RNGTT: variants seen among roughly 807,000 people sequenced by gnomAD.
RNGTT encodes the protein RNA guanylyltransferase and 5'-phosphatase, also known as mRNA-capping enzyme.
Under a neutral mutation model 79.3 loss-of-function variants are expected in RNGTT, and 33 were observed. The observed-to-expected ratio is 0.42, with a 90% CI of 0.32 to 0.56. The LOEUF (loss-of-function observed/expected upper bound fraction) is 0.56. Among genes scored for constraint, RNGTT ranks in the 20% least tolerant of loss-of-function variants. The probability of loss-of-function intolerance (pLI) is 0.17; values close to 1 mark genes in which losing one functional copy is unlikely to be tolerated. For synonymous variants in RNGTT, 222 were observed against 235.9 expected, an observed-to-expected ratio of 0.94 and a Z score of 0.54; for missense variants, 497 against 739.1, an observed-to-expected ratio of 0.67 and a Z score of 3.80.
intron 14 of RNGTT, among the ~76,000 whole-genome samples, chr6:88,622,102 A>G (rs989694546): frequency 1.3e-5 from 2 of 152,196 alleles, no homozygotes; most frequent in African/African-American, 4.8e-5. Context: ...ATTTTATGGA[A>G]TACAGTGTTG....
rs147054900 is a variant in RNGTT at position 88,823,577 on chromosome 6, T to G, written c.1269+20780A>C. Among the ~76,000 whole-genome samples the G allele has an allele frequency of 1.1e-3, 170 of 151,962 alleles. 1 individual carries two copies. Among genetic ancestry groups the G allele is most frequent in the African/African-American group, 3.7e-3 (154 of 41,456 alleles). On this transcript the variant is annotated intron_variant, in intron 11 of 15. Transcript: ENST00000369485. The stretch of plus-strand genomic sequence containing the variant: ...GAACTTCTCCAACAAAATAAAGAGA[T>G]AAACCCAGTAAAAAATAAAACTGAA...
At chr6:88,761,569 C>CA (rs1778256928) in intron 13 of RNGTT, among the ~76,000 whole-genome samples, 1 of 152,224 alleles carries the variant, frequency 6.6e-6, no homozygotes. Context: ...GAAGGTATTG[C>CA]AATACTACTA....
chr6:88,868,756 A>G (rs761238359), intron 8 of RNGTT, among the ~76,000 whole-genome samples: 9 of 152,186 alleles, frequency 5.9e-5, no homozygotes, highest in Non-Finnish European at 7.3e-5. Flanking sequence ...ACATATCAAA[A>G]TATTGTATTT....
At chr6:88,635,662 C>T (rs900619046) in intron 14 of RNGTT, among the ~76,000 whole-genome samples, 1 of 152,162 alleles carries the variant, frequency 6.6e-6, no homozygotes, top group East Asian at 1.9e-4. Context: ...AATATTTACT[C>T]TGGCATCTGA....
intron 8 of RNGTT, among the ~76,000 whole-genome samples, chr6:88,855,044 C>A (rs1057422830): frequency 6.6e-6 from 1 of 152,120 alleles, no homozygotes; most frequent in African/African-American, 2.4e-5. Flanking sequence ...TTTTGTTAGG[C>A]TGTTTTTGTT....
intron 9 of RNGTT, 31 bp downstream of exon 9, chr6:88,853,598 T>C (rs749372177): frequency 1.4e-6 from 2 of 1,417,132 alleles, no homozygotes. Context: ...TGGCAATGTT[T>C]AATTTTATAG....
intron 11 of RNGTT, among the ~76,000 whole-genome samples, chr6:88,831,924 T>C (rs1780882871): frequency 6.6e-6 from 1 of 152,096 alleles, no homozygotes. Flanking sequence ...AAACCACTGC[T>C]CAAGGAAATA....
At chr6:88,957,731 T>C (rs1785481725) in intron 1 of RNGTT, among the ~76,000 whole-genome samples, 1 of 152,116 alleles carries the variant, frequency 6.6e-6, no homozygotes, top group South Asian at 2.1e-4. Flanking sequence ...AAATCACAGA[T>C]GACACAAACA....
rs1562201379 is a variant in RNGTT at position 88,697,928 on chromosome 6, G to GATATATATATGAAATACATATATATGAT, written c.1440-19537_1440-19510dup. Among the ~76,000 whole-genome samples, 1,069 of 107,240 alleles carry GATATATATATGAAATACATATATATGAT rather than the reference G, an allele frequency of 1.0e-2. 76 individuals carry two copies. The highest frequency in any genetic ancestry group is 0.016 in the Non-Finnish European group (904 of 57,144). The allele number at this position is 107,240 out of a possible 152,430, so 70.4% of individuals were successfully genotyped here. A position where few individuals can be genotyped will look rare whatever the true frequency, so the allele number is the denominator to read the frequency against. ...ATATATATATGAAATACATATATAT[G>GATATATATATGAAATACATATATATGAT]ATATATATATGAAATACATATATAT... On this transcript the variant is annotated intron_variant, in intron 13 of 15. Transcript: ENST00000369485.
rs1292503967 is a variant in RNGTT, at chr6:88,645,643, T to C, written c.1507-31248A>G. Among the ~76,000 whole-genome samples, 7 of 152,126 alleles carry C rather than the reference T, an allele frequency of 4.6e-5. No homozygotes were observed. In the South Asian group the frequency reaches 6.2e-4, roughly 13 times the overall value. ...AGTAACCAAAACAGCATGGTACTGG[T>C]ACCAAAACAGAGATACAGACCAATG... On this transcript the variant is annotated intron_variant, in intron 14 of 15. Coordinates refer to ENST00000369485, the MANE Select transcript of RNGTT (RefSeq NM_003800.5).
chr6:88,833,477 C>T (rs377617816), intron 11 of RNGTT, among the ~76,000 whole-genome samples: 1 of 152,074 alleles, frequency 6.6e-6, no homozygotes, highest in Non-Finnish European at 1.5e-5. Flanking sequence ...ATGTAGATGA[C>T]GGGTTGATGG....
chr6:88,772,941 A>G (rs936035417), intron 12 of RNGTT, among the ~76,000 whole-genome samples: 14 of 152,040 alleles, frequency 9.2e-5, no homozygotes, highest in Non-Finnish European at 1.8e-4. Context: ...AACTAGAAAT[A>G]CCATTTGACC....
At chr6:88,850,155 G>A (rs868278969) in intron 9 of RNGTT, among the ~76,000 whole-genome samples, 3 of 151,878 alleles carry the variant, frequency 2.0e-5, no homozygotes, top group Non-Finnish European at 4.4e-5. Flanking sequence ...AATTCTAAAC[G>A]TCAGGATCTT....
At chr6:88,686,303 C>T (rs536694437) in intron 13 of RNGTT, among the ~76,000 whole-genome samples, 32 of 151,840 alleles carry the variant, frequency 2.1e-4, no homozygotes, top group Non-Finnish European at 4.0e-4. Context: ...TGAAAGAATA[C>T]AACATGTTCA....
At chr6:88,641,905 G>A (rs1199958424) in intron 14 of RNGTT, among the ~76,000 whole-genome samples, 2 of 152,164 alleles carry the variant, frequency 1.3e-5, no homozygotes, top group Non-Finnish European at 2.9e-5. Context: ...CACAGGAGAA[G>A]TATATGTATT....
intron 13 of RNGTT, 76 bp downstream of exon 13, chr6:88,769,698 T>C (rs1778583457): frequency 3.8e-6 from 3 of 791,764 alleles, no homozygotes; most frequent in African/African-American, 1.7e-5. Context: ...AAAGTATATA[T>C]GAAATACCCT....
chr6:88,773,111 A>G (rs1442814218), intron 12 of RNGTT, among the ~76,000 whole-genome samples: 4 of 148,300 alleles, frequency 2.7e-5, no homozygotes, highest in Non-Finnish European at 4.5e-5. Flanking sequence ...AAAATGTGGC[A>G]CATATACACC....
intron 4 of RNGTT, among the ~76,000 whole-genome samples, chr6:88,908,438 T>C (rs1170505714): frequency 6.6e-6 from 1 of 152,134 alleles, no homozygotes; most frequent in Non-Finnish European, 1.5e-5. Context: ...CCTGCAACTT[T>C]GAACAGATCT....
At chr6:88,665,377 T>C (rs1774359824) in intron 14 of RNGTT, among the ~76,000 whole-genome samples, 2 of 152,154 alleles carry the variant, frequency 1.3e-5, no homozygotes, top group African/African-American at 4.8e-5. Context: ...CTTAAGCACC[T>C]GAGGACTTTT....
Sources: gnomAD v4.1 joint callset for allele counts (sites outside exome capture counted in the v4.1 genomes callset) on GRCh38, gnomAD v4.1.1 for gene constraint, MANE v1.5 for transcripts, NCBI Gene and HGNC (gene_info 2026-07-23, HGNC 2026-07-21) for gene names.